The following SCAND3 variants were observed in gnomAD, a reference collection of about 807,000 sequenced individuals.
SCAND3 encodes the protein SCAN domain-containing protein 3.
At chr6:28,579,857 G>A in the SCAND3 span, among the ~76,000 whole-genome samples, 2 of 152,050 alleles carry the variant, frequency 1.3e-5, no homozygotes, top group Non-Finnish European at 2.9e-5. The surrounding 1 kb of genome is among the most constrained non-coding windows in gnomAD (Gnocchi z 4.5). Flanking sequence ...GAGCAGCCTG[G>A]CCAACATGGA....
At chr6:28,607,143 C>A in the SCAND3 span, among the ~76,000 whole-genome samples, 2 of 152,262 alleles carry the variant, frequency 1.3e-5, no homozygotes, top group African/African-American at 2.4e-5. Context: ...TGCAAAGCAA[C>A]CTGTCTGTGG....
the SCAND3 span, chr6:28,594,157 A>G: frequency 1.3e-5 from 2 of 152,258 alleles, no homozygotes; most frequent in Non-Finnish European, 2.9e-5. Flanking sequence ...GTAAAGTAGT[A>G]CAACCATTAT....
chr6:28,579,717 A>T, the SCAND3 span, among the ~76,000 whole-genome samples: 3 of 152,180 alleles, frequency 2.0e-5, no homozygotes, highest in African/African-American at 7.2e-5. The surrounding 1 kb of genome is among the most constrained non-coding windows in gnomAD (Gnocchi z 4.5). Flanking sequence ...TGATGACTGA[A>T]AAAAATTGTA....
At chr6:28,582,640 G>A in the SCAND3 span, among the ~76,000 whole-genome samples, 1 of 152,080 alleles carries the variant, frequency 6.6e-6, no homozygotes, top group Non-Finnish European at 1.5e-5. This position sits in a 1 kb window ranked among gnomAD's most constrained non-coding sequence, Gnocchi z 4.8. Flanking sequence ...AACAACTCCC[G>A]GCTGGCGCAC....
At chr6:28,585,709 C>G in the SCAND3 span, among the ~76,000 whole-genome samples, 1 of 152,174 alleles carries the variant, frequency 6.6e-6, no homozygotes, top group Non-Finnish European at 1.5e-5. Context: ...ATAAGAATGT[C>G]TGGCAATATC....
chr6:28,595,156 G>A, the SCAND3 span, among the ~76,000 whole-genome samples: 9 of 126,724 alleles, frequency 7.1e-5, no homozygotes, highest in East Asian at 4.8e-4. Context: ...CTAGGAGTTC[G>A]AGACCAGATT....
chr6:28,612,317 C>G, the SCAND3 span, among the ~76,000 whole-genome samples: 2 of 152,052 alleles, frequency 1.3e-5, no homozygotes, highest in African/African-American at 4.8e-5. Flanking sequence ...GGATTACAGG[C>G]GTGAGCCACT....
At chr6:28,610,080 C>G in the SCAND3 span, among the ~76,000 whole-genome samples, 2 of 152,010 alleles carry the variant, frequency 1.3e-5, no homozygotes, top group East Asian at 3.9e-4. Context: ...AAAAATTAGC[C>G]GGGCATGGTG....
At chr6:28,594,885 G>A in the SCAND3 span, among the ~76,000 whole-genome samples, 1 of 152,086 alleles carries the variant, frequency 6.6e-6, no homozygotes, top group East Asian at 1.9e-4. Context: ...GTTACAGGAT[G>A]GGGTGGGAGT....
At chr6:28,575,132 A>G in the SCAND3 span, 1 of 1,614,128 alleles carries the variant, frequency 6.2e-7, no homozygotes, top group Non-Finnish European at 8.5e-7. This position sits in a 1 kb window ranked among gnomAD's most constrained non-coding sequence, Gnocchi z 4.2. Flanking sequence ...TTAGCTTCAG[A>G]GCTAAATGCA....
chr6:28,576,761 G>A, the SCAND3 span, among the ~76,000 whole-genome samples: 1 of 150,108 alleles, frequency 6.7e-6, no homozygotes, highest in Non-Finnish European at 1.5e-5. Context: ...TGTTTACTAT[G>A]CAAAGACTTT....
chr6:28,605,010 T>C, the SCAND3 span, among the ~76,000 whole-genome samples: 1 of 152,194 alleles, frequency 6.6e-6, no homozygotes. Flanking sequence ...GGTCTCACTA[T>C]AGGTTTTGGC....
the SCAND3 span, chr6:28,575,200 A>G: frequency 6.2e-7 from 1 of 1,614,056 alleles, no homozygotes; most frequent in Non-Finnish European, 8.5e-7. The surrounding 1 kb of genome is among the most constrained non-coding windows in gnomAD (Gnocchi z 4.2). Flanking sequence ...GGACATCTGA[A>G]TGAACCACAA....
At chr6:28,602,725 G>A in the SCAND3 span, among the ~76,000 whole-genome samples, 1 of 152,010 alleles carries the variant, frequency 6.6e-6, no homozygotes, top group Non-Finnish European at 1.5e-5. Flanking sequence ...ACTTAGGTAG[G>A]CCATTTGATT....
the SCAND3 span, chr6:28,573,084 G>A: frequency 1.9e-6 from 3 of 1,607,702 alleles, no homozygotes; most frequent in South Asian, 2.2e-5. Context: ...TAGGCAAAGA[G>A]GCTGAAAAAA....
At chr6:28,570,898 T>C in the SCAND3 span, 17 of 152,204 alleles carry the variant, frequency 1.1e-4, no homozygotes, top group African/African-American at 3.6e-4. Flanking sequence ...TTAAATCTAA[T>C]TGAGGTGCCA....
At chr6:28,615,317 A>G in the SCAND3 span, among the ~76,000 whole-genome samples, 1 of 152,184 alleles carries the variant, frequency 6.6e-6, no homozygotes, top group Non-Finnish European at 1.5e-5. Context: ...CAGACCATCT[A>G]GAAAGACTAG....
At chr6:28,595,330 C>CAAAAA in the SCAND3 span, among the ~76,000 whole-genome samples, 109 of 37,284 alleles carry the variant, frequency 2.9e-3, 15 homozygotes, top group African/African-American at 6.8e-3. Context: ...AACCCAGTCT[C>CAAAAA]AAAAAAAAAA....
the SCAND3 span, chr6:28,574,519 TG>T: frequency 1.2e-6 from 1 of 829,814 alleles, no homozygotes. Flanking sequence ...AGGCCTTCTT[TG>T]GGGGAAATAT....
Sources: gnomAD v4.1 joint callset for allele counts (sites outside exome capture counted in the v4.1 genomes callset) on GRCh38, gnomAD v4.1.1 for gene constraint, Gnocchi (gnomAD v3.1) non-coding constraint, MANE v1.5 for transcripts, NCBI Gene and HGNC (gene_info 2026-07-23, HGNC 2026-07-21) for gene names.